The following ARSB variants were observed in gnomAD, a reference collection of about 807,000 sequenced individuals.
The protein encoded by ARSB is N-acetylgalactosamine-4-sulfatase.
A neutral mutation model predicts 50.9 loss-of-function variants in ARSB; 41 were observed. That is an observed-to-expected ratio of 0.81 (90% CI 0.63 to 1.04). The LOEUF (loss-of-function observed/expected upper bound fraction) is 1.04, where lower values mean the gene tolerates loss of function less well. Among genes scored for constraint, ARSB ranks in the 50% least tolerant of loss-of-function variants. The pLI, the probability that ARSB is intolerant of heterozygous loss-of-function variation, is 0.00. For missense variants in ARSB, 672 were observed against 693.3 expected, an observed-to-expected ratio of 0.97 and a Z score of 0.35; for synonymous variants, 269 against 284.8, an observed-to-expected ratio of 0.94 and a Z score of 0.56.
rs1386578653 is a variant in ARSB at position 78,869,841 on chromosome 5, C to T, written c.1142+15743G>A. ...AGCAGAACTGAAGGAAATAGAGACA[C>T]AAAAAACCCTTCAAAAAATCAATGA... is the stretch of plus-strand genomic sequence containing the variant. On this transcript the variant is annotated intron_variant, in intron 5 of 7. Coordinates refer to ENST00000264914, the MANE Select transcript of ARSB (RefSeq NM_000046.5). Among the ~76,000 whole-genome samples, 6 of 147,454 alleles carry T rather than the reference C, an allele frequency of 4.1e-5. No homozygotes were observed. In the South Asian group the frequency reaches 6.6e-4, roughly 16 times the overall value.
chr5:78,809,194 G>A (rs931398642), intron 6 of ARSB, among the ~76,000 whole-genome samples: 2 of 152,170 alleles, frequency 1.3e-5, no homozygotes, highest in South Asian at 2.1e-4. Context: ...CACGCTGAGC[G>A]GGCACCGAGG....
At chr5:78,976,585 G>A (rs531222063) in intron 1 of ARSB, among the ~76,000 whole-genome samples, 151 of 152,228 alleles carry the variant, frequency 9.9e-4, no homozygotes, top group African/African-American at 3.0e-3. Context: ...TGGGATTACA[G>A]GCATGAGCCA....
intron 4 of ARSB, among the ~76,000 whole-genome samples, chr5:78,934,770 T>G (rs1439417316): frequency 6.6e-6 from 1 of 152,034 alleles, no homozygotes; most frequent in Non-Finnish European, 1.5e-5. Flanking sequence ...CACTACGGCC[T>G]GGGTGACAGA....
intron 1 of ARSB, among the ~76,000 whole-genome samples, chr5:78,979,019 C>A (rs1278504106): frequency 6.6e-6 from 1 of 151,866 alleles, no homozygotes; most frequent in Non-Finnish European, 1.5e-5. Context: ...TCAAAGGACA[C>A]TATCAGGAAA....
chr5:78,846,945 T>G (rs539625740), intron 5 of ARSB, among the ~76,000 whole-genome samples: 2 of 152,218 alleles, frequency 1.3e-5, no homozygotes, highest in South Asian at 4.1e-4. Context: ...ATTAGTTGAG[T>G]GTTTTGATTA....
In ARSB at chr5:78,959,421, T is replaced by C. The variant is rs185978993; in HGVS notation, c.691-3919A>G. Among the ~76,000 whole-genome samples the C allele has an allele frequency of 1.3e-4, 20 of 151,830 alleles. No individual in the cohort carries two copies. The East Asian group carries it at 3.9e-3, about 29-fold the overall frequency. On this transcript the variant is annotated intron_variant, in intron 3 of 7. Coordinates refer to ENST00000264914, the MANE Select transcript of ARSB (RefSeq NM_000046.5). ...GCAGTTCTTTATAACAGCGTGAGAA[T>C]GGACTAATACAGTAAGAAATCCCAA...
chr5:78,955,568 C>T, intron 3 of ARSB, 66 bp from the exon 4 acceptor site: 1 of 1,339,650 alleles, frequency 7.5e-7, no homozygotes, highest in Non-Finnish European at 1.1e-6. Flanking sequence ...AAGGATAAGA[C>T]AGTTCAGATT....
intron 5 of ARSB, among the ~76,000 whole-genome samples, chr5:78,858,142 C>T (rs1403103584): frequency 1.3e-5 from 2 of 152,172 alleles, no homozygotes; most frequent in East Asian, 3.8e-4. Context: ...AAGATGTACA[C>T]ATGGCCTCAG....
chr5:78,961,999 T>C (rs1752006497), intron 3 of ARSB, among the ~76,000 whole-genome samples: 1 of 152,264 alleles, frequency 6.6e-6, no homozygotes, highest in South Asian at 2.1e-4. Flanking sequence ...AGGACTGAAA[T>C]CATTAAGGTG....
chr5:78,903,866 T>C (rs1748911720), intron 4 of ARSB, among the ~76,000 whole-genome samples: 3 of 152,234 alleles, frequency 2.0e-5, no homozygotes. Flanking sequence ...TTAATTTACA[T>C]ACAGTAAAAT....
intron 5 of ARSB, among the ~76,000 whole-genome samples, chr5:78,849,384 G>A (rs1409246689): frequency 1.6e-4 from 24 of 151,942 alleles, no homozygotes; most frequent in Admixed American, 9.2e-4. Context: ...GTAGGTAAGC[G>A]GCATTATTTC....
intron 5 of ARSB, among the ~76,000 whole-genome samples, chr5:78,862,505 A>C (rs551294167): frequency 6.6e-6 from 1 of 152,350 alleles, no homozygotes; most frequent in South Asian, 2.1e-4. Context: ...TAAGGAAAGT[A>C]TTCCCTATTT....
At chr5:78,865,541 A>G (rs1426219743) in intron 5 of ARSB, among the ~76,000 whole-genome samples, 1 of 152,092 alleles carries the variant, frequency 6.6e-6, no homozygotes, top group Non-Finnish European at 1.5e-5. Flanking sequence ...CATTTTTCCC[A>G]TTGTCTTGAG....
intron 5 of ARSB, among the ~76,000 whole-genome samples, chr5:78,874,547 G>A (rs899800915): frequency 6.6e-6 from 1 of 151,774 alleles, no homozygotes; most frequent in South Asian, 2.1e-4. Context: ...ATGATAAACA[G>A]TAGGATAAAA....
intron 4 of ARSB, among the ~76,000 whole-genome samples, chr5:78,944,802 A>T (rs1751135316): frequency 1.3e-5 from 2 of 152,170 alleles, no homozygotes. Flanking sequence ...CTCTCTTCAA[A>T]GCTGTTAGAC....
intron 5 of ARSB, among the ~76,000 whole-genome samples, chr5:78,878,441 G>A (rs2112182499): frequency 6.6e-6 from 1 of 152,252 alleles, no homozygotes; most frequent in African/African-American, 2.4e-5. Context: ...CCAAGACAGA[G>A]CACAGTACTC....
Position 78,780,469 on chromosome 5 carries a change from G to A in ARSB, c.1530C>T (p.Val510=), listed in dbSNP as rs2112617107. ...SRLQFYHKHS[V]PVYFPAQDPR... is the part of the protein sequence containing the mutation. ...GGTCCTGTGCAGGGAAGTACACGGG[G>A]ACTGAGTGTTTATGGTAGAACTGTA... Residue 510 remains valine (V), a synonymous_variant, in exon 8 of 8, where the codon GTC becomes GTT. Coordinates refer to ENST00000264914, the MANE Select transcript of ARSB (RefSeq NM_000046.5). The A allele has an allele frequency of 6.2e-7, 1 of 1,614,170 alleles. No individual in the cohort carries two copies. Among genetic ancestry groups the A allele is most frequent in the Non-Finnish European group, 8.5e-7 (1 of 1,180,032 alleles).
At chr5:78,849,508 C>A (rs1369944348) in intron 5 of ARSB, among the ~76,000 whole-genome samples, 2 of 151,870 alleles carry the variant, frequency 1.3e-5, no homozygotes, top group African/African-American at 4.8e-5. Flanking sequence ...GTGATGCCTC[C>A]AGCTTTGTTC....
At chr5:78,928,649 T>C (rs755796553) in intron 4 of ARSB, among the ~76,000 whole-genome samples, 1 of 152,180 alleles carries the variant, frequency 6.6e-6, no homozygotes, top group Non-Finnish European at 1.5e-5. Flanking sequence ...AGGAATAAAG[T>C]TGATCTCCTT....
Sources: allele counts gnomAD v4.1 joint callset (sites outside exome capture counted in the v4.1 genomes callset), GRCh38; gene constraint gnomAD v4.1.1; transcripts MANE v1.5; gene names NCBI Gene and HGNC (gene_info 2026-07-23, HGNC 2026-07-21).